MYO1E: variants seen among roughly 807,000 people sequenced by gnomAD.
The protein encoded by MYO1E is unconventional myosin-Ie.
A neutral mutation model predicts 151.1 loss-of-function variants in MYO1E; 68 were observed. The ratio of observed to expected loss-of-function variants is 0.45; its 90% CI spans 0.37 to 0.55. The LOEUF (loss-of-function observed/expected upper bound fraction) is 0.55. MYO1E is among the 20% of genes least tolerant of loss of function. MYO1E has a pLI of 0.00. For synonymous variants in MYO1E, 601 were observed against 501.7 expected, an observed-to-expected ratio of 1.20 and a Z score of -2.64; for missense variants, 1,363 against 1,389.3, an observed-to-expected ratio of 0.98 and a Z score of 0.30.
chr15:59,370,003 G>A (rs533547984), intron 1 of MYO1E, among the ~76,000 whole-genome samples: 38 of 151,950 alleles, frequency 2.5e-4, no homozygotes, highest in African/African-American at 8.4e-4. Flanking sequence ...CTGAAACAGG[G>A]TCTCACTATG....
At chr15:59,229,950 T>C (rs1413978232) in intron 6 of MYO1E, among the ~76,000 whole-genome samples, 1 of 152,220 alleles carries the variant, frequency 6.6e-6, no homozygotes, top group Non-Finnish European at 1.5e-5. Flanking sequence ...ATGAATATCT[T>C]TTAAAATAAG....
In MYO1E at chr15:59,135,769, A is replaced by G. The variant is rs1298952453; in HGVS notation, c.*1611T>C. 1 of 152,002 alleles carries G rather than the reference A, an allele frequency of 6.6e-6. No homozygotes were observed. Among genetic ancestry groups the G allele is most frequent in the Non-Finnish European group, 1.5e-5 (1 of 68,038 alleles). 9.4% of individuals were successfully genotyped at this position (152,002 alleles called of 1,614,324 possible). On this transcript the variant is annotated 3_prime_UTR_variant, in exon 28 of 28. Coordinates refer to ENST00000288235, the MANE Select transcript of MYO1E (RefSeq NM_004998.4). ...AGGATCCTGAAAGCCTCAAAGGTGT[A>G]TGCTGCTCAAACTCTAAGTTACCAG...
At chr15:59,318,394 C>T (rs145200061) in intron 1 of MYO1E, among the ~76,000 whole-genome samples, 57 of 152,292 alleles carry the variant, frequency 3.7e-4, no homozygotes, top group African/African-American at 1.3e-3. Context: ...TTTCCCACCA[C>T]ACTGTCCTGG....
At chr15:59,336,422 G>A (rs2080728887) in intron 1 of MYO1E, among the ~76,000 whole-genome samples, 1 of 151,932 alleles carries the variant, frequency 6.6e-6, no homozygotes, top group Admixed American at 6.6e-5. Context: ...CATAAATAAG[G>A]TAAATAAGGT....
At chr15:59,307,938 C>T (rs1274770996) in intron 1 of MYO1E, among the ~76,000 whole-genome samples, 1 of 146,142 alleles carries the variant, frequency 6.8e-6, no homozygotes, top group African/African-American at 2.5e-5. Flanking sequence ...ATCCTTGGGG[C>T]TGGCGCGGTG....
chr15:59,133,346 T>G lies in MYO1E; in HGVS notation c.*4034A>C, dbSNP rs1356512303. ...ATGATCGCACCACTGTTCTCTAGTC[T>G]GGGTGACAAAGTGAGGTGCTGTCTG... On this transcript the variant is annotated 3_prime_UTR_variant, in exon 28 of 28. Coordinates refer to ENST00000288235, the MANE Select transcript of MYO1E (RefSeq NM_004998.4). 6.6e-6 allele frequency: 1 copy of G among 152,158 alleles called. No individual in the cohort carries two copies. Among genetic ancestry groups the G allele is most frequent in the Admixed American group, 6.6e-5 (1 of 15,264 alleles). 9.4% of individuals were successfully genotyped at this position (152,158 alleles called of 1,614,324 possible).
Position 59,300,872 on chromosome 15 carries a change from T to C in MYO1E, c.4-28423A>G, listed in dbSNP as rs867787923. ...TCTTTTTTTCCTTTTTTTTCTTTTT[T>C]TTTTTTTTTTTTTGAGACAGAGTAT... is the stretch of plus-strand genomic sequence containing the variant. On this transcript the variant is annotated intron_variant, in intron 1 of 27. Transcript: ENST00000288235. Among the ~76,000 whole-genome samples, 906 of 147,458 alleles carry C rather than the reference T, an allele frequency of 6.1e-3. 8 individuals are homozygous for C. Among genetic ancestry groups the C allele is most frequent in the Middle Eastern group, 0.027 (8 of 292 alleles).
intron 1 of MYO1E, among the ~76,000 whole-genome samples, chr15:59,292,591 G>T (rs1371326041): frequency 2.6e-5 from 4 of 152,168 alleles, no homozygotes; most frequent in African/African-American, 9.7e-5. Flanking sequence ...CTGAATCACT[G>T]CCCAGCTTCA....
intron 2 of MYO1E, among the ~76,000 whole-genome samples, chr15:59,266,144 T>G (rs751000154): frequency 1.6e-4 from 25 of 152,166 alleles, no homozygotes; most frequent in Admixed American, 7.9e-4. Flanking sequence ...TGCAGAGACC[T>G]TAGCTATTTT....
intron 1 of MYO1E, among the ~76,000 whole-genome samples, chr15:59,278,123 T>C (rs1327444751): frequency 6.6e-6 from 1 of 152,210 alleles, no homozygotes; most frequent in Non-Finnish European, 1.5e-5. Context: ...CTGGATTCTA[T>C]GCTAAGTCCA....
intron 6 of MYO1E, among the ~76,000 whole-genome samples, chr15:59,228,412 G>T (rs866687952): frequency 6.6e-6 from 1 of 152,116 alleles, no homozygotes; most frequent in Non-Finnish European, 1.5e-5. Flanking sequence ...GGAGGATGCA[G>T]TGAGCCGAGA....
At chr15:59,141,829 A>G (rs1027367171) in intron 26 of MYO1E, among the ~76,000 whole-genome samples, 2 of 143,886 alleles carry the variant, frequency 1.4e-5, no homozygotes, top group African/African-American at 5.2e-5. Flanking sequence ...GGCTGGGTGC[A>G]GTGGCTCACG....
chr15:59,223,137 T>C lies in MYO1E; in HGVS notation c.832A>G (p.Ile278Val), dbSNP rs748651105. The C allele has an allele frequency of 2.5e-6, 4 of 1,614,102 alleles. No homozygotes were observed. The highest frequency in any genetic ancestry group is 1.3e-5 in the African/African-American group (1 of 74,928). ...FAEEQTLVLQ[I>V]VAGILHLGNI... ...CCCAGGTGGAGAATACCCGCCACTA[T>C]CTGCAACACCAGCGTTTGCTCTTCT... is the stretch of plus-strand genomic sequence containing the variant. Residue 278 changes from isoleucine to valine, a missense_variant, in exon 9 of 28, where the codon ATA (isoleucine) becomes GTA (valine). By Grantham distance (29) the Ile-to-Val change is conservative. Coordinates refer to ENST00000288235, the MANE Select transcript of MYO1E (RefSeq NM_004998.4).
Position 59,205,439 on chromosome 15 carries a change from A to AT in MYO1E, c.1576_1577insA (p.Leu526HisfsTer28). 1 of 1,614,240 alleles carries AT rather than the reference A, an allele frequency of 6.2e-7. No individual in the cohort carries two copies. Among genetic ancestry groups the AT allele is most frequent in the Non-Finnish European group, 8.5e-7 (1 of 1,180,040 alleles). ...CATAAGCTCGATGAGATCCATAAAA[A>AT]GCACATCCCGGTTCCTTTCACAAAA... On this transcript the variant is annotated frameshift_variant, in exon 15 of 28. Transcript: ENST00000288235. LOFTEE classifies it high-confidence loss of function.
At chr15:59,181,052 T>C (rs1396219404) in intron 18 of MYO1E, among the ~76,000 whole-genome samples, 1 of 152,164 alleles carries the variant, frequency 6.6e-6, no homozygotes, top group East Asian at 1.9e-4. Flanking sequence ...GACTCCCAGC[T>C]GCTGGCACTT....
chr15:59,199,897 C>A (rs958048539), intron 16 of MYO1E, among the ~76,000 whole-genome samples: 8 of 152,104 alleles, frequency 5.3e-5, no homozygotes, highest in African/African-American at 1.9e-4. Flanking sequence ...CTGGGAGAGA[C>A]TTTTATTCCT....
Position 59,158,351 on chromosome 15 carries a change from A to G in MYO1E, c.2814T>C (p.Asn938=), listed in dbSNP as rs2079520059. 6.4e-7 allele frequency: 1 copy of G among 1,571,382 alleles called. No individual in the cohort carries two copies. The change falls in exon 25 of 28, where the codon AAT becomes AAC. Residue 938 remains asparagine, a synonymous_variant. Coordinates refer to ENST00000288235, the MANE Select transcript of MYO1E (RefSeq NM_004998.4). ...SRPTRRNTTQ[N]TGYSSGTQNA... is the part of the protein sequence containing the mutation. ...TTTGAGTCCCACTGGAATAACCTGTATTTTGGGTAGTGTTCCTTCTGGTAG... is the reference window on the plus strand; with the variant it reads ...TTTGAGTCCCACTGGAATAACCTGTGTTTTGGGTAGTGTTCCTTCTGGTAG...
chr15:59,352,992 A>T (rs1362100351), intron 1 of MYO1E, among the ~76,000 whole-genome samples: 1 of 152,142 alleles, frequency 6.6e-6, no homozygotes, highest in African/African-American at 2.4e-5. Context: ...TAAATTTCCC[A>T]AACTCCGGTT....
intron 26 of MYO1E, among the ~76,000 whole-genome samples, chr15:59,140,211 C>A (rs1044591132): frequency 6.6e-6 from 1 of 152,124 alleles, no homozygotes; most frequent in African/African-American, 2.4e-5. Context: ...AGTGCTCTAA[C>A]CCTAATCCAG....
Sources: allele counts gnomAD v4.1 joint callset (sites outside exome capture counted in the v4.1 genomes callset), GRCh38; gene constraint gnomAD v4.1.1; transcripts MANE v1.5; gene names NCBI Gene and HGNC (gene_info 2026-07-23, HGNC 2026-07-21).